The following CACNB2 variants were observed in gnomAD, a reference collection of about 807,000 sequenced individuals.
The protein encoded by CACNB2 is calcium voltage-gated channel auxiliary subunit beta 2.
CACNB2 carries 42 observed loss-of-function variants against 73.3 expected under a neutral mutation model. The observed-to-expected ratio is 0.57, with a 90% CI of 0.45 to 0.74. CACNB2 has a LOEUF of 0.74. CACNB2 is among the 30% of genes least tolerant of loss of function. The pLI is 0.00. For missense variants in CACNB2, 940 were observed against 853.0 expected, an observed-to-expected ratio of 1.10 and a Z score of -1.27; for synonymous variants, 348 against 310.3, an observed-to-expected ratio of 1.12 and a Z score of -1.28.
At chr10:18,524,726 CAAGAAA>C (rs2052288942) in intron 9 of CACNB2, among the ~76,000 whole-genome samples, 1 of 145,020 alleles carries the variant, frequency 6.9e-6, no homozygotes, top group South Asian at 2.2e-4. Flanking sequence ...GGAAAATACA[CAAGAAA>C]AAGTATAGTA....
Position 18,506,563 on chromosome 10 carries a change from A to G in CACNB2, c.670+16A>G, listed in dbSNP as rs11598693. On this transcript the variant is annotated intron_variant, in intron 6 of 13. Coordinates refer to ENST00000324631, the MANE Select transcript of CACNB2 (RefSeq NM_201596.3). ...CCATCATCTGGTAAGTAGGTGATAA[A>G]TGCTGAATAATACATACTGCATTTC... The G allele has an allele frequency of 8.3e-6, 12 of 1,450,856 alleles. No individual in the cohort carries two copies. The highest frequency in any genetic ancestry group is 8.7e-6 in the Non-Finnish European group (9 of 1,031,558). The allele number at this position is 1,450,856 out of a possible 1,614,324, so 89.9% of individuals were successfully genotyped here.
At chr10:18,353,424 A>T (rs1211869817) in intron 2 of CACNB2, among the ~76,000 whole-genome samples, 1 of 149,760 alleles carries the variant, frequency 6.7e-6, no homozygotes, top group East Asian at 1.9e-4. Flanking sequence ...AAAAAAAAAA[A>T]TTATGATTCT....
rs970959566 is a variant in CACNB2, at chr10:18,280,708, A to T, written c.214-121216A>T. Reference sequence around the variant, plus strand: ...TTTACAAATTTCAAGTAACTTTGACATGCATAATCTTATTTGATTTTGGCT... The same window carrying T: ...TTTACAAATTTCAAGTAACTTTGACTTGCATAATCTTATTTGATTTTGGCT... On this transcript the variant is annotated intron_variant, in intron 2 of 13. Transcript: ENST00000324631. 2.0e-5 allele frequency among the ~76,000 whole-genome samples: 3 copies of T among 152,220 alleles called. No homozygotes were observed. In the East Asian group the frequency reaches 5.8e-4, roughly 29 times the overall value.
intron 2 of CACNB2, among the ~76,000 whole-genome samples, chr10:18,377,570 C>T (rs138973449): frequency 7.2e-5 from 11 of 152,268 alleles, no homozygotes; most frequent in African/African-American, 2.2e-4. Flanking sequence ...ATGTAATTTT[C>T]GCAACATGAG....
intron 10 of CACNB2, among the ~76,000 whole-genome samples, chr10:18,532,697 C>CAAAAAAA (rs1187679628): frequency 8.0e-6 from 1 of 125,112 alleles, no homozygotes; most frequent in Non-Finnish European, 1.6e-5. Context: ...AAAAAAAAAA[C>CAAAAAAA]AAAACAAAAA....
At chr10:18,262,816 A>T (rs2037616195) in intron 2 of CACNB2, among the ~76,000 whole-genome samples, 1 of 152,214 alleles carries the variant, frequency 6.6e-6, no homozygotes, top group African/African-American at 2.4e-5. Context: ...TAAGGCCTCC[A>T]ACAAAGCAAC....
At position 18,505,957 on chromosome 10, in the gene CACNB2, G is replaced by A. The variant is rs888102616; in HGVS notation, c.594-514G>A. On this transcript the variant is annotated intron_variant, in intron 5 of 13. Transcript: ENST00000324631. ...TTTAGTCATGTTTCTTCGTGTGTCC[G>A]TTAGTGGTTGGCAAGTTTTCATATG... Among the ~76,000 whole-genome samples, 8 of 152,254 alleles carry A rather than the reference G, an allele frequency of 5.3e-5. 1 individual carries two copies. Among genetic ancestry groups the A allele is most frequent in the Admixed American group, 2.6e-4 (4 of 15,286 alleles).
At position 18,506,559 on chromosome 10, in the gene CACNB2, A is replaced by G; in HGVS notation, c.670+12A>G. On this transcript the variant is annotated intron_variant, in intron 6 of 13. Coordinates refer to ENST00000324631, the MANE Select transcript of CACNB2 (RefSeq NM_201596.3). ...ACCTCCATCATCTGGTAAGTAGGTG[A>G]TAAATGCTGAATAATACATACTGCA... 3 of 1,512,160 alleles carry G rather than the reference A, an allele frequency of 2.0e-6. No homozygotes were observed. Among genetic ancestry groups the G allele is most frequent in the Non-Finnish European group, 2.8e-6 (3 of 1,087,450 alleles). The allele number at this position is 1,512,160 out of a possible 1,614,324, so 93.7% of individuals were successfully genotyped here.
At position 18,192,092 on chromosome 10, in the gene CACNB2, G is replaced by GA. The variant is rs537274174; in HGVS notation, c.213+41123dup. On this transcript the variant is annotated intron_variant, in intron 2 of 13. Transcript: ENST00000324631. ...CTAGGATGCTAGATAAGTGAATCCT[G>GA]AAAAAATCGTCTCCTCTGATCTCCA... Among the ~76,000 whole-genome samples, 331 of 151,548 alleles carry GA rather than the reference G, an allele frequency of 2.2e-3. 4 individuals carry two copies. The highest frequency in any genetic ancestry group is 7.6e-3 in the African/African-American group (312 of 41,292).
At chr10:18,242,029 A>G (rs532119631) in intron 2 of CACNB2, among the ~76,000 whole-genome samples, 1 of 152,176 alleles carries the variant, frequency 6.6e-6, no homozygotes, top group South Asian at 2.1e-4. Context: ...ATTCTAGTAC[A>G]TAGTCAAGTA....
At chr10:18,143,211 C>T (rs2030610319) in intron 1 of CACNB2, among the ~76,000 whole-genome samples, 3 of 152,176 alleles carry the variant, frequency 2.0e-5, no homozygotes, top group Non-Finnish European at 2.9e-5. Context: ...AGAGGACCCA[C>T]ATAGCAGCTC....
At position 18,446,567 on chromosome 10, in the gene CACNB2, A is replaced by G. The variant is rs76390916; in HGVS notation, c.333+44524A>G. On this transcript the variant is annotated intron_variant, in intron 3 of 13. Transcript: ENST00000324631. ...ATGGGTGATAAAGGGAGTGCTTTCT[A>G]ATGTGTATTGGTAGATGTTTCCAGT... Among the ~76,000 whole-genome samples the G allele has an allele frequency of 2.1e-3, 323 of 152,256 alleles. 1 individual carries two copies. Among genetic ancestry groups the G allele is most frequent in the African/African-American group, 7.6e-3 (316 of 41,550 alleles).
At chr10:18,448,479 TAAA>T (rs56255761) in intron 3 of CACNB2, among the ~76,000 whole-genome samples, 54 of 107,062 alleles carry the variant, frequency 5.0e-4, no homozygotes, top group African/African-American at 1.8e-3. Context: ...CTCTCTCATT[TAAA>T]AAAAAAAAAA....
chr10:18,411,116 T>G (rs16917284), intron 3 of CACNB2, among the ~76,000 whole-genome samples: 2,387 of 152,372 alleles, frequency 0.016, 67 homozygotes, highest in African/African-American at 0.053. Context: ...TGCTTCTTGC[T>G]TTAAAAAATT....
chr10:18,449,278 G>A (rs565063332), intron 3 of CACNB2, among the ~76,000 whole-genome samples: 27 of 152,258 alleles, frequency 1.8e-4, no homozygotes, highest in South Asian at 8.3e-4. Context: ...CCAGCTACTC[G>A]GGAGGCTGAG....
intron 2 of CACNB2, among the ~76,000 whole-genome samples, chr10:18,217,073 G>A (rs955260155): frequency 6.6e-6 from 1 of 152,030 alleles, no homozygotes; most frequent in African/African-American, 2.4e-5. Flanking sequence ...GCTCTAGGCA[G>A]GCATATGAGA....
intron 2 of CACNB2, among the ~76,000 whole-genome samples, chr10:18,355,535 A>G (rs1417777938): frequency 6.6e-6 from 1 of 152,148 alleles, no homozygotes; most frequent in East Asian, 1.9e-4. Flanking sequence ...ATGCTATTGC[A>G]GAGCTGCTGC....
At chr10:18,317,119 C>A (rs989460605) in intron 2 of CACNB2, among the ~76,000 whole-genome samples, 1 of 152,198 alleles carries the variant, frequency 6.6e-6, no homozygotes, top group South Asian at 2.1e-4. Flanking sequence ...CCCTGCCCCC[C>A]ACACAGAAAA....
intron 3 of CACNB2, among the ~76,000 whole-genome samples, chr10:18,446,129 A>G (rs2046723178): frequency 1.3e-5 from 2 of 152,204 alleles, no homozygotes; most frequent in African/African-American, 4.8e-5. Context: ...ATGATGAAAT[A>G]AAGAAACAGC....
Sources: allele counts gnomAD v4.1 joint callset (sites outside exome capture counted in the v4.1 genomes callset), GRCh38; gene constraint gnomAD v4.1.1; transcripts MANE v1.5; gene names NCBI Gene and HGNC (gene_info 2026-07-23, HGNC 2026-07-21).